ZNF385B: variants seen among roughly 807,000 people sequenced by gnomAD.
ZNF385B encodes the protein zinc finger protein 533.
A neutral mutation model predicts 39.2 loss-of-function variants in ZNF385B; 23 were observed. That is an observed-to-expected ratio of 0.59 (90% confidence interval 0.42 to 0.83). The LOEUF (loss-of-function observed/expected upper bound fraction) is 0.83. ZNF385B is among the 40% of genes least tolerant of loss of function. The pLI, the probability that ZNF385B is intolerant of heterozygous loss-of-function variation, is 0.00. For synonymous variants in ZNF385B, 205 were observed against 222.6 expected (o/e 0.92, Z 0.70); for missense variants, 552 against 598.9 (o/e 0.92, Z 0.82).
chr2:179,528,528 C>A (rs1267245379), intron 4 of ZNF385B, among the ~76,000 whole-genome samples: 2 of 152,144 alleles, frequency 1.3e-5, no homozygotes, highest in East Asian at 3.9e-4. Flanking sequence ...TAATGTTTTT[C>A]ATCTTTTATA....
intron 3 of ZNF385B, among the ~76,000 whole-genome samples, chr2:179,718,321 G>A (rs1024091719): frequency 6.7e-6 from 1 of 148,316 alleles, no homozygotes; most frequent in African/African-American, 2.5e-5. Context: ...TATAATCAAT[G>A]ATATATATTA....
chr2:179,773,014 T>G (rs1704102969), intron 1 of ZNF385B, among the ~76,000 whole-genome samples: 1 of 152,230 alleles, frequency 6.6e-6, no homozygotes, highest in African/African-American at 2.4e-5. Flanking sequence ...TTGCTGCTTT[T>G]GGAGGAAAGA....
At position 179,655,478 on chromosome 2, in the gene ZNF385B, T is replaced by C. The variant is rs145073942; in HGVS notation, c.299-110509A>G. On this transcript the variant is annotated intron_variant, in intron 3 of 9. Transcript: ENST00000410066. ...CTAGAGGTATTAAATATTAATCTTA[T>C]AAAGAAAAGAAAGCAAAAAAAAAAA... is the stretch of plus-strand genomic sequence containing the variant. Among the ~76,000 whole-genome samples, 781 of 95,770 alleles carry C rather than the reference T, an allele frequency of 8.2e-3. 4 individuals carry two copies. The highest frequency in any genetic ancestry group is 0.028 in the African/African-American group (719 of 25,758). 62.8% of individuals were successfully genotyped at this position (95,770 alleles called of 152,430 possible).
chr2:179,607,332 C>G (rs1216049264), intron 3 of ZNF385B, among the ~76,000 whole-genome samples: 1 of 152,026 alleles, frequency 6.6e-6, no homozygotes, highest in African/African-American at 2.4e-5. Context: ...TGGATTTTCC[C>G]CATGCTGTTC....
chr2:179,651,684 A>G (rs535637030), intron 3 of ZNF385B, among the ~76,000 whole-genome samples: 146 of 152,296 alleles, frequency 9.6e-4, no homozygotes, highest in Middle Eastern at 3.4e-3. Flanking sequence ...ACTGATTTTT[A>G]TGAGAACCTC....
At chr2:179,573,800 A>C (rs1363433381) in intron 3 of ZNF385B, among the ~76,000 whole-genome samples, 2 of 152,150 alleles carry the variant, frequency 1.3e-5, no homozygotes, top group African/African-American at 2.4e-5. Flanking sequence ...AGCAGTGCCA[A>C]AGTTACTCAG....
intron 1 of ZNF385B, among the ~76,000 whole-genome samples, chr2:179,788,604 C>T (rs1705144806): frequency 1.3e-5 from 2 of 151,956 alleles, no homozygotes; most frequent in Admixed American, 1.3e-4. Context: ...CAGAAGATGG[C>T]CCAATTACTG....
At position 179,741,441 on chromosome 2, in the gene ZNF385B, AG is replaced by A. The variant is rs544211594; in HGVS notation, c.298+28061del. On this transcript the variant is annotated intron_variant, in intron 3 of 9. Coordinates refer to ENST00000410066, the MANE Select transcript of ZNF385B (RefSeq NM_152520.6). ...GGTAATACAGAAGCTGAGTGGGCAA[AG>A]GGGATTTTGCAATATGGCCTGAAGT... Among the ~76,000 whole-genome samples, 7 of 152,228 alleles carry A rather than the reference AG, an allele frequency of 4.6e-5. No individual in the cohort carries two copies. The East Asian group carries it at 1.3e-3, about 29-fold the overall frequency.
chr2:179,747,669 C>T (rs1702460885), intron 3 of ZNF385B, among the ~76,000 whole-genome samples: 2 of 152,032 alleles, frequency 1.3e-5, no homozygotes, highest in South Asian at 2.1e-4. Context: ...AAAATTAAAC[C>T]AGGATATTTG....
intron 5 of ZNF385B, among the ~76,000 whole-genome samples, chr2:179,508,195 A>G (rs2057396961): frequency 1.3e-5 from 2 of 152,194 alleles, no homozygotes; most frequent in Admixed American, 1.3e-4. Context: ...ACAGCAAACC[A>G]AGTATGTCTT....
chr2:179,700,162 T>C (rs1179210833), intron 3 of ZNF385B, among the ~76,000 whole-genome samples: 2 of 152,170 alleles, frequency 1.3e-5, no homozygotes, highest in East Asian at 3.9e-4. Context: ...TGACTTTCCC[T>C]GAATGGAAGG....
intron 4 of ZNF385B, among the ~76,000 whole-genome samples, chr2:179,530,646 C>T (rs958252812): frequency 2.0e-5 from 3 of 152,176 alleles, no homozygotes; most frequent in Non-Finnish European, 4.4e-5. Context: ...AAAGAAAACT[C>T]CTCCAGGCAG....
At chr2:179,602,541 G>A (rs912180781) in intron 3 of ZNF385B, among the ~76,000 whole-genome samples, 1 of 151,910 alleles carries the variant, frequency 6.6e-6, no homozygotes, top group Non-Finnish European at 1.5e-5. Context: ...ATTCTACTTA[G>A]CATAAATCAC....
intron 6 of ZNF385B, among the ~76,000 whole-genome samples, chr2:179,465,637 A>C (rs2051913035): frequency 6.6e-6 from 1 of 152,150 alleles, no homozygotes; most frequent in Non-Finnish European, 1.5e-5. Context: ...TTCACCGTTT[A>C]AACTAGCATT....
chr2:179,598,077 T>C (rs1421758364), intron 3 of ZNF385B, among the ~76,000 whole-genome samples: 1 of 152,166 alleles, frequency 6.6e-6, no homozygotes, highest in East Asian at 1.9e-4. Context: ...GTTAGTAAAG[T>C]GCTTTTTTTT....
At chr2:179,605,486 G>T (rs540624350) in intron 3 of ZNF385B, among the ~76,000 whole-genome samples, 129 of 152,220 alleles carry the variant, frequency 8.5e-4, no homozygotes, top group African/African-American at 2.9e-3. Flanking sequence ...TGCATAGTCA[G>T]TTAGGAAGGT....
chr2:179,455,760 C>T (rs56680579), intron 6 of ZNF385B, among the ~76,000 whole-genome samples: 18,095 of 151,508 alleles, frequency 0.12, 1,420 homozygotes, highest in East Asian at 0.33. Flanking sequence ...GGCATGTTGG[C>T]GCATGCCTGT....
chr2:179,847,656 T>C (rs1377996608), intron 1 of ZNF385B, among the ~76,000 whole-genome samples: 1 of 152,166 alleles, frequency 6.6e-6, no homozygotes, highest in Non-Finnish European at 1.5e-5. Flanking sequence ...GCAATGCCAT[T>C]GGACCAAAGC....
chr2:179,550,083 C>T (rs1466172661), intron 3 of ZNF385B, among the ~76,000 whole-genome samples: 1 of 149,322 alleles, frequency 6.7e-6, no homozygotes, highest in Non-Finnish European at 1.5e-5. Context: ...GCTTTAAACT[C>T]TTAGCTAAAT....
Sources: allele counts gnomAD v4.1 joint callset (sites outside exome capture counted in the v4.1 genomes callset), GRCh38; gene constraint gnomAD v4.1.1; transcripts MANE v1.5; gene names NCBI Gene and HGNC (gene_info 2026-07-23, HGNC 2026-07-21).